PACSIN2: variants seen among roughly 807,000 people sequenced by gnomAD.
PACSIN2 encodes protein kinase C and casein kinase substrate in neurons protein 2.
Under a neutral mutation model 63.8 loss-of-function variants are expected in PACSIN2, and 25 were observed. That is an observed-to-expected ratio of 0.39 (90% CI 0.29 to 0.55). The LOEUF (loss-of-function observed/expected upper bound fraction) is 0.55, where lower values mean the gene tolerates loss of function less well. Among genes scored for constraint, PACSIN2 ranks in the 20% least tolerant of loss-of-function variants. PACSIN2 has a pLI of 0.62. For missense variants in PACSIN2, 518 were observed against 646.9 expected (o/e 0.80, Z 2.16); for synonymous variants, 255 against 256.2 (o/e 1.00, Z 0.05).
At chr22:42,995,288 G>A (rs779195016) in intron 1 of PACSIN2, among the ~76,000 whole-genome samples, 5 of 152,246 alleles carry the variant, frequency 3.3e-5, no homozygotes, top group Non-Finnish European at 7.3e-5. Flanking sequence ...AGCCTTAGAA[G>A]GAAGCAGAGC....
Position 42,870,274 on chromosome 22 carries a change from G to A in PACSIN2, c.*1083C>T, listed in dbSNP as rs1300230579. On this transcript the variant is annotated 3_prime_UTR_variant, in exon 11 of 11. Coordinates refer to ENST00000263246, the MANE Select transcript of PACSIN2 (RefSeq NM_001184970.3). Reference sequence around the variant, plus strand: ...GCCGGACCAGCAGTCAGCTGGTGACGACGAGCCTCCCTCCAGCAGGCACCA... The same window carrying A: ...GCCGGACCAGCAGTCAGCTGGTGACAACGAGCCTCCCTCCAGCAGGCACCA... 1 of 152,190 alleles carries A rather than the reference G, an allele frequency of 6.6e-6. No homozygotes were observed. The highest frequency in any genetic ancestry group is 1.5e-5 in the Non-Finnish European group (1 of 68,044). 9.4% of individuals were successfully genotyped at this position (152,190 alleles called of 1,614,324 possible). A position where few individuals can be genotyped will look rare whatever the true frequency, so the allele number is the denominator to read the frequency against.
chr22:43,007,279 C>G (rs1486415116), intron 1 of PACSIN2, among the ~76,000 whole-genome samples: 1 of 150,438 alleles, frequency 6.6e-6, no homozygotes, highest in Non-Finnish European at 1.5e-5. Flanking sequence ...TGAAGTAGCA[C>G]TATCCTGGCT....
At chr22:42,892,702 G>A (rs778114457) in intron 3 of PACSIN2, among the ~76,000 whole-genome samples, 5 of 152,170 alleles carry the variant, frequency 3.3e-5, no homozygotes, top group African/African-American at 7.2e-5. Flanking sequence ...TCAGCATCAC[G>A]GGAAAGGACA....
chr22:42,888,789 C>T lies in PACSIN2; in HGVS notation c.463G>A (p.Ala155Thr), dbSNP rs746623331. The change falls in exon 5 of 11, where the codon GCA becomes ACA. Residue 155 changes from alanine (A) to threonine (T), a missense_variant. Coordinates refer to ENST00000263246, the MANE Select transcript of PACSIN2 (RefSeq NM_001184970.3). ...CACGCTGCATGGTGGGCTTTCTTTG[C>T]TGCTTCTACCTACAGGGAGAATGAG... The part of the protein sequence containing the change: ...WAKKLKEVEA[A>T]KKAHHAACKE... The T allele has an allele frequency of 6.2e-7, 1 of 1,614,196 alleles. No individual in the cohort carries two copies. The highest frequency in any genetic ancestry group is 2.2e-5 in the East Asian group (1 of 44,892).
chr22:42,966,207 G>GA (rs1465389456), intron 1 of PACSIN2, among the ~76,000 whole-genome samples: 1 of 152,000 alleles, frequency 6.6e-6, no homozygotes, highest in Non-Finnish European at 1.5e-5. Context: ...CCGTCTCTTT[G>GA]AAAAATACAA....
chr22:42,947,677 G>C (rs1029256928), intron 1 of PACSIN2, among the ~76,000 whole-genome samples: 3 of 133,762 alleles, frequency 2.2e-5, no homozygotes, highest in Admixed American at 7.4e-5. Context: ...CCTGGGGGTG[G>C]GGGGGGGGAC....
chr22:42,986,052 C>G (rs576992457), intron 1 of PACSIN2, among the ~76,000 whole-genome samples: 2 of 152,200 alleles, frequency 1.3e-5, no homozygotes, highest in African/African-American at 2.4e-5. Context: ...TTCCAAACAA[C>G]GATCCCCTTG....
intron 1 of PACSIN2, among the ~76,000 whole-genome samples, chr22:42,928,162 A>G (rs1430764641): frequency 6.6e-6 from 1 of 152,228 alleles, no homozygotes; most frequent in Non-Finnish European, 1.5e-5. Flanking sequence ...CAAACCATAA[A>G]CCCTTGAGAA....
intron 2 of PACSIN2, among the ~76,000 whole-genome samples, chr22:42,898,277 C>CT (rs113057498): frequency 0.42 from 60,353 of 145,180 alleles, 12,870 homozygotes; most frequent in Non-Finnish European, 0.48. Flanking sequence ...CCTTCCTTTT[C>CT]TTTTTTTTTT....
At chr22:42,949,387 T>C (rs999330491) in intron 1 of PACSIN2, among the ~76,000 whole-genome samples, 3 of 152,070 alleles carry the variant, frequency 2.0e-5, no homozygotes, top group Admixed American at 6.5e-5. Flanking sequence ...ACACACCCAT[T>C]CTCAGCTGTG....
intron 1 of PACSIN2, among the ~76,000 whole-genome samples, chr22:42,931,766 T>A (rs1932783236): frequency 6.6e-6 from 1 of 152,214 alleles, no homozygotes; most frequent in South Asian, 2.1e-4. Context: ...GAGATCACGT[T>A]GTTATTATTA....
At chr22:43,014,917 GGCGGCCCTGACGGGGCGCGGGCCCGGCC>G (rs1924786463) in intron 1 of PACSIN2, 76 bp downstream of exon 1, 1 of 149,542 alleles carries the variant, frequency 6.7e-6, no homozygotes. Context: ...AGCTCGGCGC[GGCGGCCCTGACGGGGCGCGGGCCCGGCC>G]GCGGACCAGC....
At chr22:42,881,064 G>A (rs1264636140) in intron 7 of PACSIN2, among the ~76,000 whole-genome samples, 2 of 152,360 alleles carry the variant, frequency 1.3e-5, no homozygotes, top group African/African-American at 4.8e-5. Context: ...TGTGGAAGGG[G>A]CACAGCTGCT....
intron 1 of PACSIN2, among the ~76,000 whole-genome samples, chr22:42,951,115 CTGAT>C (rs769997698): frequency 2.6e-5 from 4 of 152,122 alleles, no homozygotes; most frequent in Non-Finnish European, 4.4e-5. Context: ...TAAGAATACA[CTGAT>C]TGAGTTGCTT....
intron 2 of PACSIN2, among the ~76,000 whole-genome samples, chr22:42,899,084 A>G (rs1485359022): frequency 6.6e-6 from 1 of 151,906 alleles, no homozygotes; most frequent in Non-Finnish European, 1.5e-5. Flanking sequence ...GGTGCTCCCA[A>G]CCCCTAATAC....
At chr22:42,925,868 T>C (rs1932503380) in intron 1 of PACSIN2, among the ~76,000 whole-genome samples, 1 of 152,108 alleles carries the variant, frequency 6.6e-6, no homozygotes, top group Admixed American at 6.5e-5. Flanking sequence ...CTGCGGCCCA[T>C]GGGTCCCTGG....
Position 42,947,715 on chromosome 22 carries a change from A to C in PACSIN2, c.-77-35558T>G, listed in dbSNP as rs142129423. Reference sequence around the variant, plus strand: ...CTTAATGATCCAGCTGCCTCAGGCAAAATACCTAAGAGCTCTGCGCCTGAC... The same window carrying C: ...CTTAATGATCCAGCTGCCTCAGGCACAATACCTAAGAGCTCTGCGCCTGAC... On this transcript the variant is annotated intron_variant, in intron 1 of 10. Coordinates refer to ENST00000263246, the MANE Select transcript of PACSIN2 (RefSeq NM_001184970.3). 1.4e-3 allele frequency among the ~76,000 whole-genome samples: 215 copies of C among 152,256 alleles called. 2 individuals carry two copies. Among genetic ancestry groups the C allele is most frequent in the African/African-American group, 4.9e-3 (205 of 41,526 alleles).
chr22:42,979,921 T>C (rs1332990678), intron 1 of PACSIN2, among the ~76,000 whole-genome samples: 1 of 152,210 alleles, frequency 6.6e-6, no homozygotes, highest in African/African-American at 2.4e-5. Flanking sequence ...TAAATTTACA[T>C]ACACACATTT....
At chr22:42,960,746 G>C (rs1460721493) in intron 1 of PACSIN2, among the ~76,000 whole-genome samples, 1 of 152,162 alleles carries the variant, frequency 6.6e-6, no homozygotes, top group East Asian at 1.9e-4. Context: ...GGAGGGTTTT[G>C]GAGCTGTGCT....
Sources: gnomAD v4.1 joint callset for allele counts (sites outside exome capture counted in the v4.1 genomes callset) on GRCh38, gnomAD v4.1.1 for gene constraint, MANE v1.5 for transcripts, NCBI Gene and HGNC (gene_info 2026-07-23, HGNC 2026-07-21) for gene names.